Variants in MTUS2 observed in about 807,000 individuals in gnomAD.
The protein encoded by MTUS2 is microtubule-associated tumor suppressor candidate 2.
A neutral mutation model predicts 114.1 loss-of-function variants in MTUS2; 40 were observed. The observed-to-expected ratio is 0.35, with a 90% CI of 0.27 to 0.46. The LOEUF (loss-of-function observed/expected upper bound fraction) is 0.46. Among genes scored for constraint, MTUS2 ranks in the 20% least tolerant of loss-of-function variants. The pLI is 1.00. For synonymous variants in MTUS2, 688 were observed against 672.0 expected, an observed-to-expected ratio of 1.02 and a Z score of -0.37; for missense variants, 1,679 against 1,705.4, an observed-to-expected ratio of 0.98 and a Z score of 0.27.
intron 9 of MTUS2, among the ~76,000 whole-genome samples, chr13:29,457,674 T>A (rs1879218048): frequency 6.6e-6 from 1 of 152,172 alleles, no homozygotes; most frequent in Admixed American, 6.5e-5. Context: ...CATATAGAAT[T>A]GCTGGTCATA....
At chr13:28,857,326 A>T (rs1407505893) in intron 2 of MTUS2, among the ~76,000 whole-genome samples, 1 of 152,210 alleles carries the variant, frequency 6.6e-6, no homozygotes, top group African/African-American at 2.4e-5. Context: ...GAAAGGCTAA[A>T]GTCATAGGGT....
chr13:29,454,450 T>C (rs985719421), intron 9 of MTUS2, among the ~76,000 whole-genome samples: 2 of 152,252 alleles, frequency 1.3e-5, no homozygotes, highest in African/African-American at 4.8e-5. Flanking sequence ...TACTTTTAAC[T>C]AAGTTTACTG....
chr13:29,042,933 T>A (rs1254152139), intron 4 of MTUS2, among the ~76,000 whole-genome samples: 2 of 152,130 alleles, frequency 1.3e-5, no homozygotes, highest in Non-Finnish European at 2.9e-5. Flanking sequence ...GTTTCATTTA[T>A]CTTTTGTATA....
rs540098171 is a variant in MTUS2, at chr13:28,888,611, G to A, written c.-243+48761G>A. 7.9e-5 allele frequency among the ~76,000 whole-genome samples: 12 copies of A among 151,996 alleles called. No individual in the cohort carries two copies. The South Asian group carries it at 2.3e-3, about 29-fold the overall frequency. Reference sequence around the variant, plus strand: ...TAATTTTTGTATTTTTAGTAGAGACGGGGTTTCTCCATGTTGGTCAGGCTG... The same window carrying A: ...TAATTTTTGTATTTTTAGTAGAGACAGGGTTTCTCCATGTTGGTCAGGCTG... On this transcript the variant is annotated intron_variant, in intron 2 of 15. Coordinates refer to ENST00000612955, the MANE Select transcript of MTUS2 (RefSeq NM_001033602.4).
At chr13:29,018,685 A>G (rs1254345815) in intron 2 of MTUS2, among the ~76,000 whole-genome samples, 1 of 151,978 alleles carries the variant, frequency 6.6e-6, no homozygotes, top group Non-Finnish European at 1.5e-5. Context: ...GCTTGAGCCC[A>G]GGAAGCGGAG....
intron 6 of MTUS2, among the ~76,000 whole-genome samples, chr13:29,294,086 A>G (rs529385318): frequency 3.9e-5 from 6 of 152,250 alleles, no homozygotes; most frequent in African/African-American, 1.4e-4. Context: ...AATAAAAAGG[A>G]TAATAATTTG....
At chr13:29,008,149 C>T (rs796492765) in intron 2 of MTUS2, among the ~76,000 whole-genome samples, 47 of 152,214 alleles carry the variant, frequency 3.1e-4, no homozygotes, top group African/African-American at 1.1e-3. Flanking sequence ...GATGTTCGCC[C>T]CTTTGCCACT....
chr13:28,820,137 G>A (rs1297990162), upstream of MTUS2, among the ~76,000 whole-genome samples: 1 of 146,936 alleles, frequency 6.8e-6, no homozygotes, highest in Non-Finnish European at 1.5e-5. Flanking sequence ...CGGCCCCGCG[G>A]CTTCTCTTTG....
chr13:29,377,140 G>A (rs932630710), intron 8 of MTUS2, among the ~76,000 whole-genome samples: 2 of 152,134 alleles, frequency 1.3e-5, no homozygotes, highest in Non-Finnish European at 2.9e-5. Flanking sequence ...AGCAAAATAG[G>A]TGAATCCAAA....
intron 7 of MTUS2, among the ~76,000 whole-genome samples, chr13:29,347,155 C>T (rs1868779294): frequency 6.6e-6 from 1 of 152,166 alleles, no homozygotes; most frequent in South Asian, 2.1e-4. Context: ...TGAATGGGAG[C>T]CTCAAGTTAG....
intron 8 of MTUS2, among the ~76,000 whole-genome samples, chr13:29,412,629 C>T (rs953758490): frequency 2.0e-5 from 3 of 152,040 alleles, no homozygotes; most frequent in Non-Finnish European, 4.4e-5. Flanking sequence ...TGACTCATAC[C>T]TGTAATTCCC....
intron 5 of MTUS2, among the ~76,000 whole-genome samples, chr13:29,275,481 G>T (rs1442257547): frequency 6.6e-6 from 1 of 151,722 alleles, no homozygotes; most frequent in Non-Finnish European, 1.5e-5. Context: ...TCTATTTTTT[G>T]TACCCATTAA....
chr13:29,446,184 G>C (rs1350261799), intron 9 of MTUS2, among the ~76,000 whole-genome samples: 1 of 152,170 alleles, frequency 6.6e-6, no homozygotes. Flanking sequence ...CAGAAACTGG[G>C]GAGAAGGACC....
chr13:28,990,448 T>C (rs552864863), intron 2 of MTUS2, among the ~76,000 whole-genome samples: 1 of 152,254 alleles, frequency 6.6e-6, no homozygotes, highest in East Asian at 1.9e-4. Flanking sequence ...CAATCAGCAC[T>C]CTGTAAAACC....
chr13:29,352,133 G>A (rs1869343815), intron 7 of MTUS2, among the ~76,000 whole-genome samples: 1 of 152,150 alleles, frequency 6.6e-6, no homozygotes, highest in South Asian at 2.1e-4. Flanking sequence ...GGTGATATTG[G>A]CAGAAAATAG....
At chr13:28,848,966 A>G (rs751282264) in intron 2 of MTUS2, among the ~76,000 whole-genome samples, 10 of 152,198 alleles carry the variant, frequency 6.6e-5, no homozygotes, top group Admixed American at 1.3e-4. Flanking sequence ...CAGAGTTGAG[A>G]AACCCCAGTC....
At chr13:29,094,344 ATT>A (rs34314860) in intron 4 of MTUS2, among the ~76,000 whole-genome samples, 20 of 150,368 alleles carry the variant, frequency 1.3e-4, no homozygotes, top group African/African-American at 3.2e-4. Flanking sequence ...CTTTGTGGGA[ATT>A]TTTTTTTTTA....
At chr13:28,957,444 T>A (rs11616332) in intron 2 of MTUS2, among the ~76,000 whole-genome samples, 4,834 of 152,166 alleles carry the variant, frequency 0.032, 125 homozygotes, top group Non-Finnish European at 0.05. Context: ...CAACTGTGGA[T>A]TGAAAATATT....
At chr13:28,862,012 G>GGA (rs1201678245) in intron 2 of MTUS2, among the ~76,000 whole-genome samples, 1 of 152,082 alleles carries the variant, frequency 6.6e-6, no homozygotes, top group African/African-American at 2.4e-5. Context: ...CCTTAACATA[G>GGA]GAGAGAGAGA....
Sources: gnomAD v4.1 joint callset for allele counts (sites outside exome capture counted in the v4.1 genomes callset) on GRCh38, gnomAD v4.1.1 for gene constraint, MANE v1.5 for transcripts, NCBI Gene and HGNC (gene_info 2026-07-23, HGNC 2026-07-21) for gene names.